FOXP2: variants seen among roughly 807,000 people sequenced by gnomAD.
FOXP2 encodes forkhead box P2.
Under a neutral mutation model 115.8 loss-of-function variants are expected in FOXP2, and 12 were observed. The observed-to-expected ratio is 0.10, with a 90% confidence interval of 0.07 to 0.17. The LOEUF is 0.17. Ranked by LOEUF, FOXP2 falls within the 10% of genes least tolerant of loss-of-function variation. The probability of loss-of-function intolerance (pLI) is 1.00; values close to 1 mark genes in which losing one functional copy is unlikely to be tolerated. For synonymous variants in FOXP2, 328 were observed against 297.7 expected, an observed-to-expected ratio of 1.10 and a Z score of -1.05; for missense variants, 629 against 843.5, an observed-to-expected ratio of 0.75 and a Z score of 3.15.
At chr7:114,143,141 C>A (rs1792267660) in intron 1 of FOXP2, among the ~76,000 whole-genome samples, 1 of 136,946 alleles carries the variant, frequency 7.3e-6, no homozygotes. Flanking sequence ...GAGCAAGACC[C>A]TGTCTCAATA....
At chr7:114,123,132 C>G (rs1409036177) in intron 1 of FOXP2, among the ~76,000 whole-genome samples, 2 of 151,874 alleles carry the variant, frequency 1.3e-5, no homozygotes, top group Non-Finnish European at 2.9e-5. Context: ...AGGGGGATAG[C>G]TTGAGACCAA....
At chr7:114,360,778 T>C (rs760160959) in intron 2 of FOXP2, among the ~76,000 whole-genome samples, 2 of 152,186 alleles carry the variant, frequency 1.3e-5, no homozygotes, top group Non-Finnish European at 2.9e-5. Flanking sequence ...TTGTAAAGCC[T>C]AAGTTTAAGA....
At position 114,459,611 on chromosome 7, in the gene FOXP2, TTTTG is replaced by T. The variant is rs750622370; in HGVS notation, c.168+32951_168+32954del. On this transcript the variant is annotated intron_variant, in intron 2 of 16. Transcript: ENST00000350908. ...ATTGTTTCTTTGGTTTTTTGTTTGT[TTTTG>T]TTTGTTTGTTTGTTTGTTGAGACGG... 1.4e-3 allele frequency among the ~76,000 whole-genome samples: 207 copies of T among 152,216 alleles called. 2 individuals carry two copies. Among genetic ancestry groups the T allele is most frequent in the Admixed American group, 3.1e-3 (48 of 15,266 alleles).
At chr7:114,104,956 A>G (rs984591377) in intron 1 of FOXP2, among the ~76,000 whole-genome samples, 2 of 152,060 alleles carry the variant, frequency 1.3e-5, no homozygotes, top group Admixed American at 1.3e-4. Flanking sequence ...TAATTTAGGG[A>G]AAACTGTTAA....
chr7:114,558,654 A>T (rs1201915128), intron 3 of FOXP2, among the ~76,000 whole-genome samples: 1 of 151,996 alleles, frequency 6.6e-6, no homozygotes, highest in Non-Finnish European at 1.5e-5. Flanking sequence ...CTTCATCTTT[A>T]CCCCACCCCG....
At chr7:114,271,591 T>C (rs1796045643) in intron 1 of FOXP2, among the ~76,000 whole-genome samples, 2 of 124,328 alleles carry the variant, frequency 1.6e-5, no homozygotes, top group South Asian at 2.2e-4. Flanking sequence ...TTAATATTAT[T>C]ATAATATAAT....
intron 2 of FOXP2, among the ~76,000 whole-genome samples, chr7:114,510,897 C>T (rs1562967612): frequency 6.6e-6 from 1 of 152,178 alleles, no homozygotes; most frequent in South Asian, 2.1e-4. Flanking sequence ...TATAAAGACA[C>T]ATGCACACGT....
At chr7:114,196,327 C>A (rs1241933879) in intron 1 of FOXP2, among the ~76,000 whole-genome samples, 1 of 152,032 alleles carries the variant, frequency 6.6e-6, no homozygotes, top group African/African-American at 2.4e-5. Context: ...TTTAAAAGGA[C>A]CTTTTATTAA....
At chr7:114,347,331 T>C (rs906331450) in intron 2 of FOXP2, among the ~76,000 whole-genome samples, 5 of 151,996 alleles carry the variant, frequency 3.3e-5, no homozygotes, top group African/African-American at 1.2e-4. Flanking sequence ...TATAGATACA[T>C]ATACATACAT....
intron 1 of FOXP2, among the ~76,000 whole-genome samples, chr7:114,217,439 A>G (rs924046003): frequency 6.6e-6 from 1 of 152,210 alleles, no homozygotes; most frequent in African/African-American, 2.4e-5. Context: ...CATGAGTTCT[A>G]TTTGTGTGTG....
At chr7:114,176,262 CCCTT>C (rs1562992805) in intron 1 of FOXP2, among the ~76,000 whole-genome samples, 1 of 130,080 alleles carries the variant, frequency 7.7e-6, no homozygotes, top group Non-Finnish European at 1.5e-5. Flanking sequence ...CTCTCTCTTT[CCCTT>C]TCTTTCTTTC....
At chr7:114,537,814 A>C (rs992475164) in intron 3 of FOXP2, among the ~76,000 whole-genome samples, 8 of 151,652 alleles carry the variant, frequency 5.3e-5, no homozygotes, top group African/African-American at 1.9e-4. Context: ...CACCAATTGA[A>C]TAGGTGCAAT....
chr7:114,506,210 A>G (rs946394294), intron 2 of FOXP2, among the ~76,000 whole-genome samples: 2 of 151,744 alleles, frequency 1.3e-5, no homozygotes, highest in African/African-American at 2.4e-5. Flanking sequence ...TGAGCAATTT[A>G]CCAACTAATC....
chr7:114,652,046 C>T (rs1266928693), intron 8 of FOXP2, among the ~76,000 whole-genome samples, 157 bp from the exon 9 acceptor site: 8 of 152,240 alleles, frequency 5.3e-5, no homozygotes, highest in South Asian at 2.1e-4. Flanking sequence ...TCACACAACA[C>T]GTAAGCAGCT....
intron 3 of FOXP2, among the ~76,000 whole-genome samples, chr7:114,540,665 G>A (rs73429344): frequency 1.0e-3 from 154 of 152,186 alleles, no homozygotes; most frequent in African/African-American, 3.6e-3. Flanking sequence ...GCTACAAGTG[G>A]TCAGGGAAGA....
At chr7:114,584,255 C>A (rs1198240516) in intron 3 of FOXP2, among the ~76,000 whole-genome samples, 2 of 151,990 alleles carry the variant, frequency 1.3e-5, no homozygotes, top group African/African-American at 2.4e-5. Context: ...TAAAGGAAAT[C>A]TTTTCCCCCA....
chr7:114,593,665 G>T (rs941517596), intron 3 of FOXP2, among the ~76,000 whole-genome samples: 6 of 151,680 alleles, frequency 4.0e-5, no homozygotes, highest in African/African-American at 1.2e-4. Flanking sequence ...AATTTACCTG[G>T]CCCCAGATCT....
chr7:114,660,639 G>A (rs1806811203), intron 13 of FOXP2, among the ~76,000 whole-genome samples: 1 of 152,104 alleles, frequency 6.6e-6, no homozygotes, highest in African/African-American at 2.4e-5. Flanking sequence ...GTAAATGAAT[G>A]TAATTGTTTT....
At chr7:114,237,799 C>T (rs1584567628) in intron 1 of FOXP2, among the ~76,000 whole-genome samples, 1 of 152,000 alleles carries the variant, frequency 6.6e-6, no homozygotes, top group Non-Finnish European at 1.5e-5. Flanking sequence ...CATGGTGAAA[C>T]ACCCTGTCTA....
Sources: allele counts gnomAD v4.1 joint callset (sites outside exome capture counted in the v4.1 genomes callset), GRCh38; gene constraint gnomAD v4.1.1; transcripts MANE v1.5; gene names NCBI Gene and HGNC (gene_info 2026-07-23, HGNC 2026-07-21).